The following MAPKAPK2 variants were observed in gnomAD, a reference collection of about 807,000 sequenced individuals.
MAPKAPK2 encodes the protein MAP kinase-activated protein kinase 2.
MAPKAPK2 carries 9 observed loss-of-function variants against 48.8 expected under a neutral mutation model. That is an observed-to-expected ratio of 0.18 (90% CI 0.11 to 0.32). MAPKAPK2 has a LOEUF of 0.32. MAPKAPK2 is among the 10% of genes least tolerant of loss of function. The pLI is 1.00. For missense variants in MAPKAPK2, 331 were observed against 498.3 expected (o/e 0.66, Z 3.20); for synonymous variants, 202 against 190.6 (o/e 1.06, Z -0.49).
At chr1:206,702,702 G>A (rs1456631836) in intron 1 of MAPKAPK2, among the ~76,000 whole-genome samples, 1 of 152,206 alleles carries the variant, frequency 6.6e-6, no homozygotes, top group Non-Finnish European at 1.5e-5. Context: ...CACTTCCAGT[G>A]TAAAATTCAA....
At chr1:206,699,373 A>C (rs1011383056) in intron 1 of MAPKAPK2, among the ~76,000 whole-genome samples, 1 of 152,196 alleles carries the variant, frequency 6.6e-6, no homozygotes, top group African/African-American at 2.4e-5. Flanking sequence ...TGGGCAGAGG[A>C]TACTTCATGG....
rs782768360 is a variant in MAPKAPK2, at chr1:206,728,817, A to T, written c.387A>T (p.Ala129=). The T allele has an allele frequency of 6.2e-7, 1 of 1,614,204 alleles. No homozygotes were observed. The highest frequency in any genetic ancestry group is 1.3e-5 in the African/African-American group (1 of 75,040). ...RIVDVYENLY[A]GRKCLLIVME... ...TGGATGTGTACGAGAATCTGTACGC[A>T]GGGAGGAAGTGCCTGCTGATTGTCA... The change falls in exon 2 of 10, where the codon GCA becomes GCT. Residue 129 remains alanine, a synonymous_variant. Transcript: ENST00000367103.
Position 206,732,768 on chromosome 1 carries a change from G to T in MAPKAPK2, c.*50G>T. 1 of 1,598,988 alleles carries T rather than the reference G, an allele frequency of 6.3e-7. No homozygotes were observed. Among genetic ancestry groups the T allele is most frequent in the Non-Finnish European group, 8.5e-7 (1 of 1,170,790 alleles). ...GAGGACAAGCAATAACTCTCTACAGGAATATATTTTTTAAACGAAGAGACA... is the reference window on the plus strand; with the variant it reads ...GAGGACAAGCAATAACTCTCTACAGTAATATATTTTTTAAACGAAGAGACA... On this transcript the variant is annotated 3_prime_UTR_variant, in exon 10 of 10. Coordinates refer to ENST00000367103, the MANE Select transcript of MAPKAPK2 (RefSeq NM_032960.4). This position sits in a 1 kb window ranked among gnomAD's most constrained non-coding sequence, Gnocchi z 4.4.
rs368470731 is a variant in MAPKAPK2, at chr1:206,728,957, C to T, written c.420-78C>T. The T allele has an allele frequency of 2.5e-6, 4 of 1,611,442 alleles. No homozygotes were observed. In the East Asian group the frequency reaches 8.9e-5, roughly 36 times the overall value. The stretch of plus-strand genomic sequence containing the variant: ...ATGGGCCTGAAGCCTGGAATGTAAA[C>T]ACTTGATTTTTTGGGGGGCAGTGGA... On this transcript the variant is annotated intron_variant, in intron 2 of 9. Transcript: ENST00000367103.
At chr1:206,715,392 T>G (rs1387665136) in intron 1 of MAPKAPK2, among the ~76,000 whole-genome samples, 2 of 152,230 alleles carry the variant, frequency 1.3e-5, no homozygotes, top group African/African-American at 4.8e-5. Context: ...CATGGGCAGT[T>G]GCTCGTGTCT....
intron 1 of MAPKAPK2, among the ~76,000 whole-genome samples, chr1:206,709,385 C>T (rs781847964): frequency 2.1e-4 from 32 of 152,132 alleles, no homozygotes; most frequent in Non-Finnish European, 4.1e-4. Context: ...ACTGAGTTCT[C>T]GCTGCTCGAT....
chr1:206,705,922 A>T (rs1672936611), intron 1 of MAPKAPK2, among the ~76,000 whole-genome samples: 1 of 152,142 alleles, frequency 6.6e-6, no homozygotes, highest in Non-Finnish European at 1.5e-5. Context: ...GAACAAACCC[A>T]GGCTTAGGGA....
intron 1 of MAPKAPK2, chr1:206,695,953 G>T (rs1672609950): frequency 2.9e-6 from 2 of 700,800 alleles, no homozygotes; most frequent in South Asian, 1.6e-5. Context: ...TGGGCCCCAG[G>T]TCCAGGGGTC....
At chr1:206,721,322 A>G (rs1410221020) in intron 1 of MAPKAPK2, among the ~76,000 whole-genome samples, 2 of 152,208 alleles carry the variant, frequency 1.3e-5, no homozygotes, top group Admixed American at 6.5e-5. Context: ...TAAGCCAGTT[A>G]TATCTTTTCT....
At chr1:206,714,262 CTTCA>C (rs1210238956) in intron 1 of MAPKAPK2, among the ~76,000 whole-genome samples, 1 of 152,160 alleles carries the variant, frequency 6.6e-6, no homozygotes, top group African/African-American at 2.4e-5. Context: ...TGTTCATATA[CTTCA>C]TAGAGGTCCA....
chr1:206,688,238 C>G (rs1305536961), intron 1 of MAPKAPK2, among the ~76,000 whole-genome samples: 1 of 152,138 alleles, frequency 6.6e-6, no homozygotes, highest in Non-Finnish European at 1.5e-5. Flanking sequence ...GAAGAGAAAA[C>G]CAAGGCCCAG....
chr1:206,727,554 G>A (rs1553431950), intron 1 of MAPKAPK2, among the ~76,000 whole-genome samples: 1 of 152,132 alleles, frequency 6.6e-6, no homozygotes, highest in African/African-American at 2.4e-5. Context: ...TGACTGTCAT[G>A]GTCCCAGGTG....
rs115935856 is a variant in MAPKAPK2 at position 206,727,246 on chromosome 1, C to G, written c.280-1464C>G. ...TATTAGTGAGTGCATGTCAGATACT[C>G]TGTGAGGTGCTTTGTGGAAATATTT... On this transcript the variant is annotated intron_variant, in intron 1 of 9. Transcript: ENST00000367103. Among the ~76,000 whole-genome samples, 1,481 of 152,294 alleles carry G rather than the reference C, an allele frequency of 9.7e-3. 20 individuals carry two copies. Among genetic ancestry groups the G allele is most frequent in the African/African-American group, 0.035 (1,438 of 41,562 alleles).
intron 1 of MAPKAPK2, among the ~76,000 whole-genome samples, chr1:206,688,683 G>T (rs1553425892): frequency 6.6e-6 from 1 of 152,068 alleles, no homozygotes; most frequent in East Asian, 1.9e-4. Context: ...TGTCGCCCAG[G>T]TTAGAGTGCA....
At chr1:206,722,827 C>T (rs1303458693) in intron 1 of MAPKAPK2, among the ~76,000 whole-genome samples, 4 of 152,224 alleles carry the variant, frequency 2.6e-5, no homozygotes, top group Non-Finnish European at 4.4e-5. Context: ...CTTTCCTTTA[C>T]ACCCCTCAGA....
chr1:206,718,532 C>CA (rs60964142), intron 1 of MAPKAPK2, among the ~76,000 whole-genome samples: 4,395 of 114,284 alleles, frequency 0.038, 287 homozygotes, highest in African/African-American at 0.13. Flanking sequence ...GACTCCATCT[C>CA]AAAAAAAAAA....
chr1:206,705,236 G>T (rs1462950524), intron 1 of MAPKAPK2, among the ~76,000 whole-genome samples: 6 of 152,150 alleles, frequency 3.9e-5, no homozygotes, highest in African/African-American at 1.4e-4. Context: ...CGGTGGGTTG[G>T]GGGGAGGGGT....
intron 1 of MAPKAPK2, among the ~76,000 whole-genome samples, chr1:206,706,957 G>A (rs377480286): frequency 7.9e-4 from 120 of 152,088 alleles, no homozygotes; most frequent in African/African-American, 2.4e-3. Context: ...CCCCTCACCT[G>A]TCATTCCATC....
At chr1:206,691,480 A>AATATATATATATATATATATAT in intron 1 of MAPKAPK2, among the ~76,000 whole-genome samples, 1 of 4,704 alleles carries the variant, frequency 2.1e-4, no homozygotes, top group Admixed American at 2.5e-3. Flanking sequence ...TTTGTATTTT[A>AATATATATATATATATATATAT]AGATATATAT....
Sources: allele counts gnomAD v4.1 joint callset (sites outside exome capture counted in the v4.1 genomes callset), GRCh38; gene constraint gnomAD v4.1.1; non-coding constraint Gnocchi (gnomAD v3.1); transcripts MANE v1.5; gene names NCBI Gene and HGNC (gene_info 2026-07-23, HGNC 2026-07-21).